The following MEGF10 variants were observed in gnomAD, a reference collection of about 807,000 sequenced individuals.
MEGF10 encodes multiple EGF like domains 10, also known as multiple epidermal growth factor-like domains protein 10.
MEGF10 carries 86 observed loss-of-function variants against 147.5 expected under a neutral mutation model. The ratio of observed to expected loss-of-function variants is 0.58; its 90% CI spans 0.49 to 0.70. The LOEUF (loss-of-function observed/expected upper bound fraction) is 0.70. Ranked by LOEUF, MEGF10 falls within the 30% of genes least tolerant of loss-of-function variation. The pLI is 0.00. For missense variants in MEGF10, 1,329 were observed against 1,487.3 expected, an observed-to-expected ratio of 0.89 and a Z score of 1.75; for synonymous variants, 478 against 525.5, an observed-to-expected ratio of 0.91 and a Z score of 1.24.
chr5:127,314,889 A>C (rs1422817), intron 1 of MEGF10, among the ~76,000 whole-genome samples: 143,150 of 152,170 alleles, frequency 0.94, 67,476 homozygotes, highest in East Asian at 1. Context: ...TGGAAACTGT[A>C]TTTATAAGAA....
chr5:127,233,024 C>G, the MEGF10 span, among the ~76,000 whole-genome samples: 1 of 152,180 alleles, frequency 6.6e-6, no homozygotes, highest in Non-Finnish European at 1.5e-5. Flanking sequence ...TTCAGTCTCT[C>G]AGAGACTTTG....
At chr5:127,386,832 AT>A (rs1763453203) in intron 5 of MEGF10, among the ~76,000 whole-genome samples, 1 of 152,266 alleles carries the variant, frequency 6.6e-6, no homozygotes, top group Non-Finnish European at 1.5e-5. Flanking sequence ...GGGCTGGGAC[AT>A]CCCAATGTGC....
the MEGF10 span, among the ~76,000 whole-genome samples, chr5:127,247,325 A>G: frequency 0.026 from 72 of 2,746 alleles, 6 homozygotes; most frequent in Non-Finnish European, 0.05. Flanking sequence ...AGAGAGAAGA[A>G]GAAGAAGAAG....
chr5:127,438,905 A>G (rs1250941130), intron 17 of MEGF10, among the ~76,000 whole-genome samples: 1 of 152,322 alleles, frequency 6.6e-6, no homozygotes, highest in Non-Finnish European at 1.5e-5. Context: ...AGAGATTAGA[A>G]AGGTAGAGAA....
At chr5:127,435,546 C>A in intron 16 of MEGF10, 57 bp downstream of exon 16, 1 of 1,523,958 alleles carries the variant, frequency 6.6e-7, no homozygotes, top group South Asian at 1.3e-5. Context: ...TTTTCAGATT[C>A]TTTAGGATTG....
At chr5:127,329,132 G>A (rs1160664213) in intron 1 of MEGF10, among the ~76,000 whole-genome samples, 1 of 152,022 alleles carries the variant, frequency 6.6e-6, no homozygotes, top group African/African-American at 2.4e-5. Flanking sequence ...CCCCTTAAAT[G>A]AAATAGCTTC....
In MEGF10 at chr5:127,425,362, T is replaced by C. The variant is rs57304460; in HGVS notation, c.1693+2590T>C. Among the ~76,000 whole-genome samples the C allele has an allele frequency of 5.2e-3, 788 of 152,294 alleles. 9 individuals are homozygous for C. The highest frequency in any genetic ancestry group is 0.018 in the African/African-American group (752 of 41,550). ...GGAAGACTACTGCTTCATGCTGCTCTATTGCTTGTTGCCTACCATCTCTGC... is the reference window on the plus strand; with the variant it reads ...GGAAGACTACTGCTTCATGCTGCTCCATTGCTTGTTGCCTACCATCTCTGC... On this transcript the variant is annotated intron_variant, in intron 13 of 24. Transcript: ENST00000503335.
chr5:127,443,432 A>AT (rs532625238), intron 19 of MEGF10, among the ~76,000 whole-genome samples: 10 of 152,068 alleles, frequency 6.6e-5, no homozygotes, highest in South Asian at 2.1e-4. Context: ...TGGGTCTATG[A>AT]TTTTTTTTCA....
Position 127,410,584 on chromosome 5 carries a change from C to G in MEGF10, c.1113C>G (p.His371Gln). ...GIKCDKRCPC[H>Q]LENTHSCHPM... is the part of the protein sequence containing the mutation. ...AATGTGACAAACGGTGTCCCTGCCACCTGGAAAACACTCATAGGTGAGTGT... is the reference window on the plus strand; with the variant it reads ...AATGTGACAAACGGTGTCCCTGCCAGCTGGAAAACACTCATAGGTGAGTGT... Residue 371 changes from histidine (H) to glutamine (Q), a missense_variant, in exon 9 of 25, where the codon CAC becomes CAG. Coordinates refer to ENST00000503335, the MANE Select transcript of MEGF10 (RefSeq NM_001256545.2). The G allele has an allele frequency of 6.2e-7, 1 of 1,608,464 alleles. No individual in the cohort carries two copies. Among genetic ancestry groups the G allele is most frequent in the South Asian group, 1.1e-5 (1 of 90,748 alleles).
chr5:127,350,180 C>T (rs1762038042), intron 4 of MEGF10, among the ~76,000 whole-genome samples: 1 of 152,142 alleles, frequency 6.6e-6, no homozygotes, highest in South Asian at 2.1e-4. Flanking sequence ...TCTGAAGTTA[C>T]ACCAGTGACA....
At chr5:127,295,054 G>A (rs1759437563) in intron 1 of MEGF10, among the ~76,000 whole-genome samples, 1 of 152,026 alleles carries the variant, frequency 6.6e-6, no homozygotes, top group African/African-American at 2.4e-5. Context: ...ACTTTGCTCT[G>A]TGCTTTTCCA....
the MEGF10 span, among the ~76,000 whole-genome samples, chr5:127,278,704 G>A: frequency 6.6e-6 from 1 of 152,214 alleles, no homozygotes; most frequent in Non-Finnish European, 1.5e-5. Flanking sequence ...AGACATGAAG[G>A]TGGATGACCA....
the MEGF10 span, among the ~76,000 whole-genome samples, chr5:127,260,770 A>C: frequency 1.3e-5 from 2 of 152,240 alleles, no homozygotes; most frequent in African/African-American, 2.4e-5. Flanking sequence ...AAAGGGAGTT[A>C]AGTGACAAAA....
At chr5:127,322,144 G>C (rs1009610194) in intron 1 of MEGF10, among the ~76,000 whole-genome samples, 11 of 149,914 alleles carry the variant, frequency 7.3e-5, no homozygotes, top group African/African-American at 2.7e-4. Flanking sequence ...TTTTCCTCCT[G>C]GGTTGATCAT....
chr5:127,320,901 T>C (rs1441194946), intron 1 of MEGF10, among the ~76,000 whole-genome samples: 2 of 152,230 alleles, frequency 1.3e-5, no homozygotes, highest in East Asian at 3.8e-4. Context: ...CAAATGTCAC[T>C]GATTATTCAA....
At chr5:127,415,072 G>GA (rs33913196) in intron 9 of MEGF10, among the ~76,000 whole-genome samples, 468 of 145,172 alleles carry the variant, frequency 3.2e-3, no homozygotes, top group Non-Finnish European at 4.6e-3. Context: ...CCCCTAAATT[G>GA]AAAAAAAAAA....
intron 9 of MEGF10, among the ~76,000 whole-genome samples, chr5:127,413,322 C>T (rs1391516526): frequency 6.6e-6 from 1 of 152,082 alleles, no homozygotes; most frequent in African/African-American, 2.4e-5. Context: ...TAATATTCCA[C>T]ATGCAATATA....
intron 1 of MEGF10, among the ~76,000 whole-genome samples, chr5:127,297,646 A>G (rs546593840): frequency 5.9e-5 from 9 of 152,316 alleles, no homozygotes; most frequent in African/African-American, 2.2e-4. Context: ...TTCAAGCAAT[A>G]GTGATTAAAC....
chr5:127,252,962 A>G, the MEGF10 span, among the ~76,000 whole-genome samples: 2 of 151,924 alleles, frequency 1.3e-5, no homozygotes, highest in African/African-American at 4.8e-5. Context: ...TAGCATAATC[A>G]TGAAGCCAAA....
Sources: gnomAD v4.1 joint callset for allele counts (sites outside exome capture counted in the v4.1 genomes callset) on GRCh38, gnomAD v4.1.1 for gene constraint, MANE v1.5 for transcripts, NCBI Gene and HGNC (gene_info 2026-07-23, HGNC 2026-07-21) for gene names.